The following MMP16 variants were observed in gnomAD, a reference collection of about 807,000 sequenced individuals.
MMP16 encodes matrix metallopeptidase 16.
Under a neutral mutation model 67.8 loss-of-function variants are expected in MMP16, and 12 were observed. That is an observed-to-expected ratio of 0.18 (90% CI 0.11 to 0.29). The LOEUF (loss-of-function observed/expected upper bound fraction) is 0.29. Among genes scored for constraint, MMP16 ranks in the 10% least tolerant of loss-of-function variants. The pLI is 1.00. For missense variants in MMP16, 475 were observed against 765.7 expected (o/e 0.62, Z 4.48); for synonymous variants, 249 against 255.9 (o/e 0.97, Z 0.26).
At chr8:88,206,107 C>G (rs922195194) in intron 1 of MMP16, among the ~76,000 whole-genome samples, 1 of 152,048 alleles carries the variant, frequency 6.6e-6, no homozygotes, top group East Asian at 1.9e-4. Flanking sequence ...CATTGCCCAA[C>G]TAGGGTAAGT....
At position 88,184,160 on chromosome 8, in the gene MMP16, A is replaced by G. The variant is rs116509477; in HGVS notation, c.404+2316T>C. The stretch of plus-strand genomic sequence containing the variant: ...TATGCAGTTTATTATTTAATACTCT[A>G]TATTACTGCTAAGACAGAAGTTCAA... On this transcript the variant is annotated intron_variant, in intron 3 of 9. Transcript: ENST00000286614. Among the ~76,000 whole-genome samples the G allele has an allele frequency of 3.7e-3, 557 of 152,252 alleles. 4 individuals are homozygous for G. Among genetic ancestry groups the G allele is most frequent in the African/African-American group, 0.013 (528 of 41,550 alleles).
At chr8:88,051,940 T>C (rs17719609) in intron 8 of MMP16, among the ~76,000 whole-genome samples, 32,948 of 152,150 alleles carry the variant, frequency 0.22, 4,114 homozygotes, top group Non-Finnish European at 0.29. Context: ...AGTAGGAATC[T>C]GAGGGACTGA....
intron 1 of MMP16, among the ~76,000 whole-genome samples, chr8:88,231,926 A>C (rs539605221): frequency 1.3e-5 from 2 of 152,164 alleles, no homozygotes; most frequent in South Asian, 4.1e-4. Context: ...TATCCTATCT[A>C]AAATCCATCA....
chr8:88,268,048 T>C (rs1810505845), intron 1 of MMP16, among the ~76,000 whole-genome samples: 1 of 152,118 alleles, frequency 6.6e-6, no homozygotes, highest in Admixed American at 6.5e-5. Flanking sequence ...AGATTTACCA[T>C]AAAAAATTCC....
At chr8:88,045,883 T>C (rs1001841796) in intron 9 of MMP16, among the ~76,000 whole-genome samples, 2 of 152,244 alleles carry the variant, frequency 1.3e-5, no homozygotes, top group East Asian at 1.9e-4. Context: ...ATGCTTCCTA[T>C]TGAAAATAAT....
chr8:88,063,840 C>A (rs1382101), intron 7 of MMP16, among the ~76,000 whole-genome samples: 78,804 of 151,736 alleles, frequency 0.52, 20,738 homozygotes, highest in East Asian at 0.7. Context: ...TTTATCAACT[C>A]ATCACCTAAC....
rs778842655 is a variant in MMP16, at chr8:88,074,747, C to A, written c.1084-4G>T. The A allele has an allele frequency of 6.2e-7, 1 of 1,611,010 alleles. No individual in the cohort carries two copies. The highest frequency in any genetic ancestry group is 1.7e-5 in the Admixed American group (1 of 59,706). ...TCACTCGCCAAAACCACTGGTCCTG[C>A]AAACCAAGCAAAGGCATCTCTCAAC... On this transcript the variant is annotated splice_region_variant and splice_polypyrimidine_tract_variant and intron_variant, in intron 6 of 9. Transcript: ENST00000286614.
Position 88,178,747 on chromosome 8 carries a change from A to AT in MMP16, c.404+7728_404+7729insA, listed in dbSNP as rs544788868. 1.6e-3 allele frequency among the ~76,000 whole-genome samples: 249 copies of AT among 152,284 alleles called. 2 individuals carry two copies. The highest frequency in any genetic ancestry group is 6.6e-3 in the East Asian group (34 of 5,182). ...AGTTCGTGCCAATTTGTAAGCATGT[A>AT]AAGTTTATTATGCAGTATAACCGCA... On this transcript the variant is annotated intron_variant, in intron 3 of 9. Transcript: ENST00000286614.
intron 4 of MMP16, among the ~76,000 whole-genome samples, chr8:88,146,540 T>A (rs1218566828): frequency 6.6e-6 from 1 of 152,002 alleles, no homozygotes; most frequent in Non-Finnish European, 1.5e-5. Flanking sequence ...TCTAGTCTTT[T>A]GCAATTTGCC....
intron 1 of MMP16, among the ~76,000 whole-genome samples, chr8:88,281,296 CA>C (rs1810731743): frequency 6.6e-6 from 1 of 152,076 alleles, no homozygotes; most frequent in African/African-American, 2.4e-5. Flanking sequence ...TTACGATTTA[CA>C]AAAAGCATTG....
rs1808359584 is a variant in MMP16, at chr8:88,058,566, G to T, written c.1223-2288C>A. 6.6e-6 allele frequency among the ~76,000 whole-genome samples: 1 copy of T among 152,122 alleles called. No individual in the cohort carries two copies. The highest frequency in any genetic ancestry group is 1.9e-4 in the East Asian group (1 of 5,192). ...ATGGAGAAAGAAAAAAGGATATTAAGGTGACAGTGATGGGATTTGGGGCTA... is the reference window on the plus strand; with the variant it reads ...ATGGAGAAAGAAAAAAGGATATTAATGTGACAGTGATGGGATTTGGGGCTA... On this transcript the variant is annotated intron_variant, in intron 7 of 9. Transcript: ENST00000286614. This position sits in a 1 kb window ranked among gnomAD's most constrained non-coding sequence, Gnocchi z 4.2.
chr8:88,056,061 A>C, intron 8 of MMP16, 67 bp downstream of exon 8: 2 of 1,257,138 alleles, frequency 1.6e-6, no homozygotes, highest in Non-Finnish European at 2.1e-6. Flanking sequence ...CCTCTGATAG[A>C]CTAGAAATGC....
chr8:88,325,068 A>G lies in MMP16; in HGVS notation c.132+2007T>C, dbSNP rs1281191938. The stretch of plus-strand genomic sequence containing the variant: ...TTATCTGTCAGGCTTAAATCTGTGT[A>G]ATAAATATGACTAGAATAATTTAAA... On this transcript the variant is annotated intron_variant, in intron 1 of 9. Coordinates refer to ENST00000286614, the MANE Select transcript of MMP16 (RefSeq NM_005941.5). Among the ~76,000 whole-genome samples the G allele has an allele frequency of 2.0e-5, 3 of 152,198 alleles. No individual in the cohort carries two copies. In the East Asian group the frequency reaches 5.8e-4, roughly 29 times the overall value.
At chr8:88,155,228 C>A (rs903607238) in intron 4 of MMP16, among the ~76,000 whole-genome samples, 2 of 151,932 alleles carry the variant, frequency 1.3e-5, no homozygotes, top group Non-Finnish European at 2.9e-5. Context: ...ATAAGGAATA[C>A]TTTAAAACTA....
intron 3 of MMP16, among the ~76,000 whole-genome samples, chr8:88,168,437 G>A (rs538672916): frequency 6.6e-6 from 1 of 152,066 alleles, no homozygotes; most frequent in Non-Finnish European, 1.5e-5. Flanking sequence ...CAGATATATA[G>A]TTATTTCTTA....
chr8:88,277,877 A>T (rs1418257963), intron 1 of MMP16, among the ~76,000 whole-genome samples: 1 of 152,218 alleles, frequency 6.6e-6, no homozygotes, highest in East Asian at 1.9e-4. Flanking sequence ...GCCCTACCTC[A>T]ACAGTAGGTG....
At position 88,093,672 on chromosome 8, in the gene MMP16, A is replaced by G. The variant is rs577398585; in HGVS notation, c.1084-18929T>C. 2.6e-5 allele frequency among the ~76,000 whole-genome samples: 4 copies of G among 152,030 alleles called. 1 individual carries two copies. The South Asian group carries it at 8.3e-4, about 32-fold the overall frequency. ...TAAAATTAAGATAATAATTACATAA[A>G]TGATGGATGATATTTTAAAATAACC... On this transcript the variant is annotated intron_variant, in intron 6 of 9. Coordinates refer to ENST00000286614, the MANE Select transcript of MMP16 (RefSeq NM_005941.5).
rs532415437 is a variant in MMP16 at position 88,168,199 on chromosome 8, G to T, written c.405-226C>A. On this transcript the variant is annotated intron_variant, in intron 3 of 9. Transcript: ENST00000286614. Reference sequence around the variant, plus strand: ...CAAAGTTTTAAATGAGAAGATCTCTGTAGAATGGTTAACAGTAGGGCAATT... The same window carrying T: ...CAAAGTTTTAAATGAGAAGATCTCTTTAGAATGGTTAACAGTAGGGCAATT... Among the ~76,000 whole-genome samples, 13 of 152,282 alleles carry T rather than the reference G, an allele frequency of 8.5e-5. No homozygotes were observed. The South Asian group carries it at 1.5e-3, about 17-fold the overall frequency.
chr8:88,243,368 C>T (rs1810060725), intron 1 of MMP16, among the ~76,000 whole-genome samples: 1 of 152,134 alleles, frequency 6.6e-6, no homozygotes, highest in African/African-American at 2.4e-5. Context: ...GAGACGGAAG[C>T]CTCCTCAGAA....
Sources: allele counts gnomAD v4.1 joint callset (sites outside exome capture counted in the v4.1 genomes callset), GRCh38; gene constraint gnomAD v4.1.1; non-coding constraint Gnocchi (gnomAD v3.1); transcripts MANE v1.5; gene names NCBI Gene and HGNC (gene_info 2026-07-23, HGNC 2026-07-21).